The following PCID2 variants were observed in gnomAD, a reference collection of about 807,000 sequenced individuals.
PCID2 encodes the protein PCI domain-containing protein 2.
In PCID2, 41 loss-of-function variants were observed where a neutral mutation model predicts 61.3. The ratio of observed to expected loss-of-function variants is 0.67; its 90% CI spans 0.52 to 0.87. PCID2 has a LOEUF of 0.87. Among genes scored for constraint, PCID2 ranks in the 40% least tolerant of loss-of-function variants. PCID2 has a pLI of 0.00. For missense variants in PCID2, 392 were observed against 493.4 expected (o/e 0.79, Z 1.95); for synonymous variants, 187 against 177.8 (o/e 1.05, Z -0.41).
chr13:113,170,422 A>G, the PCID2 span: 1 of 1,593,948 alleles, frequency 6.3e-7, no homozygotes, highest in South Asian at 1.1e-5. Flanking sequence ...GGTAAAGTTA[A>G]CAAATTCCGA....
At position 113,195,124 on chromosome 13, in the gene PCID2, C is replaced by A; in HGVS notation, c.310G>T (p.Ala104Ser). Residue 104 changes from alanine (A) to serine (S), a missense_variant and splice_region_variant, in exon 6 of 14, where the codon GCT (alanine) becomes TCT (serine). Ala to Ser is a moderately conservative substitution (Grantham distance 99, BLOSUM62 1). Around this residue, in one of 3 missense-constraint regions of PCID2, gnomAD observed 155 missense variants for 164.9 expected, o/e 0.94. Transcript: ENST00000337344. Reference protein sequence around the residue: ...AFQAHKEENWALPVMYAVALD... With the variant: ...AFQAHKEENWSLPVMYAVALD... ...GCTACTGCATACATGACAGGCAGAGCCCTGCAGGGCAAAAAAGTAAACAAG... is the reference window on the plus strand; with the variant it reads ...GCTACTGCATACATGACAGGCAGAGACCTGCAGGGCAAAAAAGTAAACAAG... 2 of 1,607,054 alleles carry A rather than the reference C, an allele frequency of 1.2e-6. No homozygotes were observed. Among genetic ancestry groups the A allele is most frequent in the Non-Finnish European group, 1.7e-6 (2 of 1,173,546 alleles).
intron 11 of PCID2, 39 bp downstream of exon 11, chr13:113,180,119 A>AT (rs1297413574): frequency 2.5e-6 from 4 of 1,613,606 alleles, no homozygotes; most frequent in East Asian, 2.2e-5. Context: ...TCAGGCTTGC[A>AT]TTTTTAAAAC....
chr13:113,194,358 G>A (rs1262862723), intron 6 of PCID2, among the ~76,000 whole-genome samples: 1 of 151,870 alleles, frequency 6.6e-6, no homozygotes, highest in East Asian at 1.9e-4. Context: ...TTTCTAACGC[G>A]CCCAGTCCAG....
Position 113,197,198 on chromosome 13 carries a change from C to A in PCID2, c.246G>T (p.Lys82Asn). 1.2e-6 allele frequency: 2 copies of A among 1,614,122 alleles called. No individual in the cohort carries two copies. The highest frequency in any genetic ancestry group is 1.7e-6 in the Non-Finnish European group (2 of 1,179,954). The change falls in exon 4 of 14, where the codon AAG becomes AAT. Residue 82 changes from lysine to asparagine, a missense_variant. Around this residue, in one of 3 missense-constraint regions of PCID2, gnomAD observed 155 missense variants for 164.9 expected, o/e 0.94. Transcript: ENST00000337344. ...VGNHDFIEAYKCQTVIVQSFL... is the reference protein window; with the variant it reads ...VGNHDFIEAYNCQTVIVQSFL... ...GATATTGGACTATCACGGTCTGGCA[C>A]TTGTATGCCTCTATGAAGTCATGAT...
rs565654401 is a variant in PCID2, at chr13:113,182,560, C to T, written c.686-1330G>A. Among the ~76,000 whole-genome samples the T allele has an allele frequency of 1.1e-4, 16 of 152,272 alleles. 2 individuals are homozygous for T. The South Asian group carries it at 3.3e-3, about 32-fold the overall frequency. On this transcript the variant is annotated intron_variant, in intron 9 of 13. Transcript: ENST00000337344. ...CTGTCGCCAAGCTGGAGTGCAGTGGCGCGATCTCAGCTCACTGCAAGCTCC... is the reference window on the plus strand; with the variant it reads ...CTGTCGCCAAGCTGGAGTGCAGTGGTGCGATCTCAGCTCACTGCAAGCTCC...
downstream of PCID2, among the ~76,000 whole-genome samples, chr13:113,176,538 A>AATTGCCCCGACAGG: frequency 9.9e-5 from 5 of 50,748 alleles, no homozygotes; most frequent in African/African-American, 2.2e-4. Context: ...GAGGTGGGGG[A>AATTGCCCCGACAGG]ATTGCTTTAG....
the PCID2 span, chr13:113,172,164 C>G: frequency 6.3e-7 from 1 of 1,592,044 alleles, no homozygotes; most frequent in Non-Finnish European, 8.6e-7. Context: ...CAAGCTGGCA[C>G]TGCCACTGTG....
rs79369424 is a variant in PCID2, at chr13:113,187,879, T to C, written c.468-2319A>G. 29 of 152,368 alleles carry C rather than the reference T, an allele frequency of 1.9e-4. No homozygotes were observed. In the East Asian group the frequency reaches 5.4e-3, roughly 28 times the overall value. 9.4% of individuals were successfully genotyped at this position (152,368 alleles called of 1,614,324 possible). A position where few individuals can be genotyped will look rare whatever the true frequency, so the allele number is the denominator to read the frequency against. ...TTTTTCCTTTGGTTGCTTATGCTTT[T>C]GTTGTCGTATCTGAGAAGCCACTGC... On this transcript the variant is annotated intron_variant, in intron 7 of 13. Transcript: ENST00000337344.
rs1423833908 is a variant in PCID2 at position 113,208,253 on chromosome 13, CCCTCGGCGTGGCCCG to C, written c.36+331_36+345del. The C allele has an allele frequency of 2.1e-6, 3 of 1,439,284 alleles. No homozygotes were observed. In the Admixed American group the frequency reaches 7.9e-5, roughly 38 times the overall value. The allele number at this position is 1,439,284 out of a possible 1,614,324, so 89.2% of individuals were successfully genotyped here. ...CCGACACAGCACCGCCCACAGCGGG[CCCTCGGCGTGGCCCG>C]CAGGCCCTTCGGACCGCCTGGGAGC... On this transcript the variant is annotated intron_variant, in intron 1 of 13. Coordinates refer to ENST00000337344, the MANE Select transcript of PCID2 (RefSeq NM_001127202.4).
chr13:113,201,224 T>C (rs2039403392), intron 1 of PCID2, among the ~76,000 whole-genome samples: 1 of 151,946 alleles, frequency 6.6e-6, no homozygotes, highest in East Asian at 1.9e-4. Flanking sequence ...TTAAAAAGAA[T>C]AAAATAGATC....
Position 113,181,189 on chromosome 13 carries a change from A to G in PCID2, c.727T>C (p.Ser243Pro), listed in dbSNP as rs1472367879. Residue 243 changes from serine (S) to proline (P), a missense_variant, in exon 10 of 14, where the codon TCT (serine) becomes CCT (proline). Coordinates refer to ENST00000337344, the MANE Select transcript of PCID2 (RefSeq NM_001127202.4). ...LSFAFEHCHR[S>P]SQKNKRMILI... ...ATCATCCTTTTGTTCTTCTGACTAG[A>G]ACGGTGACAATGCTCAAAGGCAAAT... 6.2e-7 allele frequency: 1 copy of G among 1,613,964 alleles called. No homozygotes were observed.
chr13:113,202,984 C>T (rs2039541434), intron 1 of PCID2, among the ~76,000 whole-genome samples: 2 of 152,024 alleles, frequency 1.3e-5, no homozygotes, highest in African/African-American at 2.4e-5. Context: ...AAAAGACTGC[C>T]AAAAACAAAA....
At chr13:113,190,996 T>TTTTTCC (rs1404376682) in intron 6 of PCID2, 21 bp from the exon 7 acceptor site, 3 of 1,554,452 alleles carry the variant, frequency 1.9e-6, no homozygotes, top group African/African-American at 1.4e-5. Flanking sequence ...ATAAGAACTT[T>TTTTTCC]TATTTCATTT....
downstream of PCID2, among the ~76,000 whole-genome samples, chr13:113,177,185 T>G (rs954048341): frequency 1.4e-4 from 22 of 152,244 alleles, no homozygotes; most frequent in African/African-American, 5.1e-4. Context: ...TTGCCCAGGC[T>G]GGAGTGCAAT....
intron 7 of PCID2, 95 bp from the exon 8 acceptor site, chr13:113,185,655 G>C: frequency 1.3e-6 from 1 of 759,596 alleles, no homozygotes; most frequent in Non-Finnish European, 2.2e-6. Context: ...ATATCTTGAG[G>C]TAAGTCCCAA....
intron 9 of PCID2, among the ~76,000 whole-genome samples, chr13:113,181,972 G>A (rs1407960156): frequency 6.8e-6 from 1 of 147,112 alleles, no homozygotes; most frequent in Non-Finnish European, 1.5e-5. Context: ...AGGGGTTTCT[G>A]GACAATGATT....
chr13:113,172,371 TGTCA>T, the PCID2 span: 1 of 483,048 alleles, frequency 2.1e-6, no homozygotes, highest in Non-Finnish European at 3.8e-6. Flanking sequence ...TAAGATAATC[TGTCA>T]GTCATAAAGC....
chr13:113,183,194 C>T (rs189437683), intron 9 of PCID2, among the ~76,000 whole-genome samples: 1 of 152,128 alleles, frequency 6.6e-6, no homozygotes, highest in African/African-American at 2.4e-5. Context: ...TCAATGGCTT[C>T]CTATTTCTTT....
chr13:113,183,616 T>C (rs1243197347), intron 9 of PCID2: 4 of 228,978 alleles, frequency 1.7e-5, no homozygotes, highest in African/African-American at 2.3e-5. Context: ...TTATCTTGCA[T>C]TGCCTAAAGT....
Sources: gnomAD v4.1 joint callset for allele counts (sites outside exome capture counted in the v4.1 genomes callset) on GRCh38, gnomAD v4.1.1 for gene constraint, gnomAD v4.1.1 regional missense constraint, MANE v1.5 for transcripts, NCBI Gene and HGNC (gene_info 2026-07-23, HGNC 2026-07-21) for gene names.